NACC2: variants seen among roughly 807,000 people sequenced by gnomAD.
NACC2 encodes the protein nucleus accumbens-associated protein 2.
NACC2 carries 8 observed loss-of-function variants against 25.1 expected under a neutral mutation model. That is an observed-to-expected ratio of 0.32 (90% confidence interval 0.19 to 0.57). NACC2 has a LOEUF of 0.57. Among genes scored for constraint, NACC2 ranks in the 20% least tolerant of loss-of-function variants. NACC2 has a pLI of 0.89. For missense variants in NACC2, 644 were observed against 650.2 expected, an observed-to-expected ratio of 0.99 and a Z score of 0.10; for synonymous variants, 435 against 294.7, an observed-to-expected ratio of 1.48 and a Z score of -4.88.
chr9:136,031,706 G>A (rs1316662736), intron 2 of NACC2, among the ~76,000 whole-genome samples: 1 of 152,226 alleles, frequency 6.6e-6, no homozygotes, highest in Non-Finnish European at 1.5e-5. Context: ...AGCAAAATTA[G>A]AGGGCAATCT....
rs1159431095 is a variant in NACC2, at chr9:136,050,438, G to A, written c.84C>T (p.Leu28=). ...TGACCACGATGGACACATCGCAGTAGAGGCCCAGCAGGCGCTGCTCGTTCA... is the reference window on the plus strand; with the variant it reads ...TGACCACGATGGACACATCGCAGTAAAGGCCCAGCAGGCGCTGCTCGTTCA... ...GCLNEQRLLG[L]YCDVSIVVKG... is the part of the protein sequence containing the mutation. Residue 28 remains leucine, a synonymous_variant, in exon 2 of 6, where the codon CTC becomes CTT. Transcript: ENST00000277554. 2 of 766,868 alleles carry A rather than the reference G, an allele frequency of 2.6e-6. No homozygotes were observed. Among genetic ancestry groups the A allele is most frequent in the Middle Eastern group, 2.4e-4 (1 of 4,120 alleles). 47.5% of individuals were successfully genotyped at this position (766,868 alleles called of 1,614,324 possible). A position where few individuals can be genotyped will look rare whatever the true frequency, so the allele number is the denominator to read the frequency against.
Position 136,011,298 on chromosome 9 carries a change from A to C in NACC2, c.*218T>G, listed in dbSNP as rs1588554229. On this transcript the variant is annotated 3_prime_UTR_variant, in exon 6 of 6. Coordinates refer to ENST00000277554, the MANE Select transcript of NACC2 (RefSeq NM_144653.5). ...TGAATATCAAAAGGGAGCCCTGGGAACTTCCTCGCAGGAGGCTGCCAGTGG... is the reference window on the plus strand; with the variant it reads ...TGAATATCAAAAGGGAGCCCTGGGACCTTCCTCGCAGGAGGCTGCCAGTGG... 2 of 400,976 alleles carry C rather than the reference A, an allele frequency of 5.0e-6. No homozygotes were observed. Among genetic ancestry groups the C allele is most frequent in the Non-Finnish European group, 8.2e-6 (2 of 242,896 alleles). The allele number at this position is 400,976 out of a possible 1,614,324, so 24.8% of individuals were successfully genotyped here.
chr9:136,085,705 G>A (rs940753055), intron 1 of NACC2, among the ~76,000 whole-genome samples: 3 of 152,162 alleles, frequency 2.0e-5, no homozygotes, highest in African/African-American at 7.2e-5. Flanking sequence ...ACCTCAAATC[G>A]TTCGGGAAAA....
chr9:136,079,038 G>C (rs1480329692), intron 1 of NACC2, among the ~76,000 whole-genome samples: 1 of 150,064 alleles, frequency 6.7e-6, no homozygotes, highest in Non-Finnish European at 1.5e-5. Context: ...ATGTTAATTT[G>C]ACTTCAATCA....
chr9:136,063,850 C>T (rs1841045638), intron 1 of NACC2, among the ~76,000 whole-genome samples: 1 of 150,466 alleles, frequency 6.6e-6, no homozygotes, highest in Non-Finnish European at 1.5e-5. Flanking sequence ...ACCACCTGCA[C>T]CCCAGCCTGG....
At chr9:136,092,480 G>A (rs1258835193) in intron 1 of NACC2, among the ~76,000 whole-genome samples, 1 of 152,204 alleles carries the variant, frequency 6.6e-6, no homozygotes, top group African/African-American at 2.4e-5. Flanking sequence ...CTGCCTTGGA[G>A]GGCGCTCCAC....
intron 2 of NACC2, among the ~76,000 whole-genome samples, chr9:136,047,017 G>A (rs992569909): frequency 6.6e-6 from 1 of 152,116 alleles, no homozygotes; most frequent in Non-Finnish European, 1.5e-5. Context: ...CTCGGCAATC[G>A]CTCAGGCCCG....
rs1454116690 is a variant in NACC2 at position 136,041,917 on chromosome 9, AG to A, written c.886+7718del. On this transcript the variant is annotated intron_variant, in intron 2 of 5. Coordinates refer to ENST00000277554, the MANE Select transcript of NACC2 (RefSeq NM_144653.5). ...TCTTCTCAAACTGATTTACAGAATC[AG>A]TGCAACATCGATCAACATTTTAGTA... Among the ~76,000 whole-genome samples, 1,326 of 152,368 alleles carry A rather than the reference AG, an allele frequency of 8.7e-3. 19 individuals carry two copies. The highest frequency in any genetic ancestry group is 0.03 in the African/African-American group (1,245 of 41,586).
Position 136,007,380 on chromosome 9 carries a change from CAG to C in NACC2, c.*4134_*4135del, listed in dbSNP as rs769570025. 5 of 152,144 alleles carry C rather than the reference CAG, an allele frequency of 3.3e-5. No homozygotes were observed. Among genetic ancestry groups the C allele is most frequent in the Admixed American group, 6.6e-5 (1 of 15,126 alleles). The allele number at this position is 152,144 out of a possible 1,614,324, so 9.4% of individuals were successfully genotyped here. A position where few individuals can be genotyped will look rare whatever the true frequency, so the allele number is the denominator to read the frequency against. ...ACAGACACACGCGTGCACACATACA[CAG>C]ACACGCGTGCAGAGACACGCACGTG... On this transcript the variant is annotated 3_prime_UTR_variant, in exon 6 of 6. Coordinates refer to ENST00000277554, the MANE Select transcript of NACC2 (RefSeq NM_144653.5).
Position 136,050,165 on chromosome 9 carries a change from G to A in NACC2, c.357C>T (p.Leu119=). ...IQHIVERGTD[L]MFKVSSPHCD... ...AGTGGGGCGAGCTCACCTTGAACAT[G>A]AGGTCGGTGCCGCGCTCCACGATGT... The change falls in exon 2 of 6, where the codon CTC becomes CTT. Residue 119 remains leucine (L), a synonymous_variant. Coordinates refer to ENST00000277554, the MANE Select transcript of NACC2 (RefSeq NM_144653.5). The A allele has an allele frequency of 1.3e-6, 1 of 770,396 alleles. No individual in the cohort carries two copies. The highest frequency in any genetic ancestry group is 2.4e-5 in the East Asian group (1 of 40,970). The allele number at this position is 770,396 out of a possible 1,614,324, so 47.7% of individuals were successfully genotyped here. A position where few individuals can be genotyped will look rare whatever the true frequency, so the allele number is the denominator to read the frequency against.
intron 2 of NACC2, among the ~76,000 whole-genome samples, chr9:136,033,101 AG>A (rs200181236): frequency 0.024 from 3,706 of 152,110 alleles, 147 homozygotes; most frequent in African/African-American, 0.079. Flanking sequence ...ACTTGAGCCC[AG>A]GAGGTGGAGA....
intron 3 of NACC2, among the ~76,000 whole-genome samples, chr9:136,015,077 C>T (rs1272924107): frequency 6.6e-6 from 1 of 152,154 alleles, no homozygotes; most frequent in Non-Finnish European, 1.5e-5. Flanking sequence ...CCCCACCACT[C>T]CCACAGGCCC....
intron 1 of NACC2, among the ~76,000 whole-genome samples, chr9:136,079,753 C>T (rs551684220): frequency 7.3e-4 from 111 of 152,286 alleles, no homozygotes; most frequent in Middle Eastern, 3.4e-3. Flanking sequence ...ACTACCCATT[C>T]TGCGACTAGG....
intron 1 of NACC2, among the ~76,000 whole-genome samples, chr9:136,051,425 T>C (rs1840833924): frequency 1.3e-5 from 2 of 152,066 alleles, no homozygotes; most frequent in African/African-American, 4.8e-5. Flanking sequence ...CCCAGGTGAC[T>C]ACAGGGGTCC....
intron 1 of NACC2, among the ~76,000 whole-genome samples, chr9:136,091,081 C>A (rs553452387): frequency 6.6e-6 from 1 of 152,224 alleles, no homozygotes; most frequent in Non-Finnish European, 1.5e-5. Context: ...CCTCTCCTCC[C>A]TGTGGGTCCC....
chr9:136,046,149 G>A (rs1318270614), intron 2 of NACC2, among the ~76,000 whole-genome samples: 1 of 152,242 alleles, frequency 6.6e-6, no homozygotes, highest in African/African-American at 2.4e-5. Context: ...CCTGCTCTCT[G>A]GAGGGGCTGG....
At chr9:136,012,054 C>T (rs371743540) in intron 5 of NACC2, 30 bp from the exon 6 acceptor site, 2 of 1,483,162 alleles carry the variant, frequency 1.3e-6, no homozygotes, top group African/African-American at 1.4e-5. Flanking sequence ...TGAGCTCAGC[C>T]ACCTGCCTGC....
At chr9:136,038,392 T>C (rs1410856048) in intron 2 of NACC2, among the ~76,000 whole-genome samples, 1 of 152,016 alleles carries the variant, frequency 6.6e-6, no homozygotes, top group Non-Finnish European at 1.5e-5. Context: ...CCACAAAAAT[T>C]AGCTGGGTGT....
Position 136,042,223 on chromosome 9 carries a change from G to T in NACC2, c.886+7413C>A, listed in dbSNP as rs1038441687. ...GGCTGGTCTCGAGCTCCTGACCTCA[G>T]GTGATCCACCCATCTCGGCCTCCCA... On this transcript the variant is annotated intron_variant, in intron 2 of 5. Coordinates refer to ENST00000277554, the MANE Select transcript of NACC2 (RefSeq NM_144653.5). Among the ~76,000 whole-genome samples, 3 of 152,252 alleles carry T rather than the reference G, an allele frequency of 2.0e-5. No homozygotes were observed. The South Asian group carries it at 6.2e-4, about 32-fold the overall frequency.
Sources: allele counts gnomAD v4.1 joint callset (sites outside exome capture counted in the v4.1 genomes callset), GRCh38; gene constraint gnomAD v4.1.1; transcripts MANE v1.5; gene names NCBI Gene and HGNC (gene_info 2026-07-23, HGNC 2026-07-21).